The following NCKAP5 variants were observed in gnomAD, a reference collection of about 807,000 sequenced individuals.
NCKAP5 encodes the protein nck-associated protein 5.
A neutral mutation model predicts 167.0 loss-of-function variants in NCKAP5; 92 were observed. That is an observed-to-expected ratio of 0.55 (90% CI 0.47 to 0.66). The LOEUF (loss-of-function observed/expected upper bound fraction) is 0.66, where lower values mean the gene tolerates loss of function less well. Ranked by LOEUF, NCKAP5 falls within the 30% of genes least tolerant of loss-of-function variation. NCKAP5 has a pLI of 0.00. For synonymous variants in NCKAP5, 891 were observed against 877.4 expected (o/e 1.02, Z -0.27); for missense variants, 2,378 against 2,315.0 (o/e 1.03, Z -0.56).
At chr2:133,570,305 G>C (rs903741754), upstream of NCKAP5, among the ~76,000 whole-genome samples, 6 of 152,076 alleles carry the variant, frequency 3.9e-5, no homozygotes, top group Admixed American at 3.9e-4. Flanking sequence ...TTTCATTTTT[G>C]TTATTAGAAA....
intron 5 of NCKAP5, among the ~76,000 whole-genome samples, chr2:133,179,798 G>C (rs751801161): frequency 1.3e-5 from 2 of 152,008 alleles, no homozygotes; most frequent in Middle Eastern, 3.2e-3. Flanking sequence ...GAATGAAAGA[G>C]AGAAATTCAA....
the NCKAP5 span, among the ~76,000 whole-genome samples, chr2:133,618,678 A>G: frequency 1.1e-4 from 16 of 152,194 alleles, no homozygotes; most frequent in East Asian, 1.7e-3. Context: ...AGGATGTGGA[A>G]AAATAGGAAC....
At chr2:132,746,366 C>A (rs6735953) in intron 16 of NCKAP5, among the ~76,000 whole-genome samples, 18,083 of 151,646 alleles carry the variant, frequency 0.12, 1,669 homozygotes, top group East Asian at 0.45. Context: ...AAAAGTAAAC[C>A]CTTTTCTCAC....
At chr2:132,719,798 G>A (rs1440891532) in intron 19 of NCKAP5, among the ~76,000 whole-genome samples, 2 of 152,200 alleles carry the variant, frequency 1.3e-5, no homozygotes, top group East Asian at 1.9e-4. Flanking sequence ...AGTCCAGGGC[G>A]ACTCCTTGCT....
intron 6 of NCKAP5, among the ~76,000 whole-genome samples, chr2:133,053,787 G>A (rs774705977): frequency 2.6e-5 from 4 of 152,174 alleles, no homozygotes; most frequent in African/African-American, 9.7e-5. Context: ...CTTCTTTGCT[G>A]TGCTACACTG....
chr2:133,648,776 A>G, the NCKAP5 span, among the ~76,000 whole-genome samples: 1 of 151,974 alleles, frequency 6.6e-6, no homozygotes, highest in African/African-American at 2.4e-5. Flanking sequence ...TAATAATGCA[A>G]TAAACGTTTA....
chr2:133,510,512 C>T (rs1683396374), intron 3 of NCKAP5, among the ~76,000 whole-genome samples: 1 of 152,218 alleles, frequency 6.6e-6, no homozygotes. Flanking sequence ...CTACATTCTA[C>T]ATTCCTTATA....
At chr2:133,024,220 A>C (rs1220620115) in intron 6 of NCKAP5, among the ~76,000 whole-genome samples, 1 of 152,242 alleles carries the variant, frequency 6.6e-6, no homozygotes, top group Non-Finnish European at 1.5e-5. Context: ...CTCACAAAAA[A>C]GAAGTTAATG....
intron 16 of NCKAP5, among the ~76,000 whole-genome samples, chr2:132,747,841 C>T (rs1400572859): frequency 6.6e-6 from 1 of 152,118 alleles, no homozygotes; most frequent in Non-Finnish European, 1.5e-5. Flanking sequence ...AATAACTTGC[C>T]CGTAGGCCTA....
chr2:133,433,513 T>C (rs1319270952), intron 3 of NCKAP5: 1 of 152,190 alleles, frequency 6.6e-6, no homozygotes, highest in Non-Finnish European at 1.5e-5. Flanking sequence ...TTGATAAATA[T>C]CTTCAGAGGT....
chr2:133,475,894 G>C (rs530766211), intron 3 of NCKAP5, among the ~76,000 whole-genome samples: 2 of 152,296 alleles, frequency 1.3e-5, no homozygotes, highest in East Asian at 3.9e-4. Context: ...TTATAAATGG[G>C]AAAAGGTATG....
At chr2:132,819,962 A>G (rs1686581084) in intron 11 of NCKAP5, among the ~76,000 whole-genome samples, 1 of 152,186 alleles carries the variant, frequency 6.6e-6, no homozygotes, top group Admixed American at 6.5e-5. Flanking sequence ...CAGTGTAGGG[A>G]GGTATTCTCA....
chr2:132,936,272 G>C (rs567042735), intron 8 of NCKAP5, among the ~76,000 whole-genome samples: 1 of 152,268 alleles, frequency 6.6e-6, no homozygotes, highest in Non-Finnish European at 1.5e-5. Context: ...ATGAGCCACT[G>C]CACCCAGACT....
chr2:133,192,278 G>A (rs2085260087), intron 5 of NCKAP5, among the ~76,000 whole-genome samples: 1 of 152,076 alleles, frequency 6.6e-6, no homozygotes, highest in South Asian at 2.1e-4. Flanking sequence ...TATACCAAAT[G>A]TATCACAAGC....
At chr2:132,799,616 T>C (rs1228571414) in intron 11 of NCKAP5, among the ~76,000 whole-genome samples, 1 of 152,170 alleles carries the variant, frequency 6.6e-6, no homozygotes, top group African/African-American at 2.4e-5. Flanking sequence ...TACCTGACAG[T>C]TGGTGGTAGG....
intron 3 of NCKAP5, among the ~76,000 whole-genome samples, chr2:133,375,716 A>C (rs1368133094): frequency 1.3e-5 from 2 of 152,178 alleles, no homozygotes; most frequent in Non-Finnish European, 2.9e-5. Context: ...TTCCTGAGTT[A>C]GTTTGCTAAG....
Position 132,808,568 on chromosome 2 carries a change from T to C in NCKAP5, c.808-11839A>G, listed in dbSNP as rs185095932. Among the ~76,000 whole-genome samples, 12 of 152,270 alleles carry C rather than the reference T, an allele frequency of 7.9e-5. No homozygotes were observed. The East Asian group carries it at 2.1e-3, about 27-fold the overall frequency. ...TGCGTAAATGTGTTTACAGCAGCCTTAATTGATCTTTTGTATTTCAGTGGC... is the reference window on the plus strand; with the variant it reads ...TGCGTAAATGTGTTTACAGCAGCCTCAATTGATCTTTTGTATTTCAGTGGC... On this transcript the variant is annotated intron_variant, in intron 11 of 19. Coordinates refer to ENST00000409261, the MANE Select transcript of NCKAP5 (RefSeq NM_207363.3).
intron 2 of NCKAP5, among the ~76,000 whole-genome samples, chr2:133,540,818 T>A (rs1197382061): frequency 6.7e-6 from 1 of 150,086 alleles, no homozygotes; most frequent in Non-Finnish European, 1.5e-5. Context: ...CACCTGTAAT[T>A]CCAGCTACTC....
the NCKAP5 span, among the ~76,000 whole-genome samples, chr2:133,617,297 G>C: frequency 6.6e-6 from 1 of 152,112 alleles, no homozygotes. Flanking sequence ...TGAAAGTTCT[G>C]GCCAGGGCAA....
Sources: gnomAD v4.1 joint callset for allele counts (sites outside exome capture counted in the v4.1 genomes callset) on GRCh38, gnomAD v4.1.1 for gene constraint, MANE v1.5 for transcripts, NCBI Gene and HGNC (gene_info 2026-07-23, HGNC 2026-07-21) for gene names.